The following ZNF609 variants were observed in gnomAD, a reference collection of about 807,000 sequenced individuals.
ZNF609 encodes the protein zinc finger protein 609.
In ZNF609, 11 loss-of-function variants were observed where a neutral mutation model predicts 109.5. The ratio of observed to expected loss-of-function variants is 0.10; its 90% CI spans 0.06 to 0.17. The LOEUF (loss-of-function observed/expected upper bound fraction) is 0.17, where lower values mean the gene tolerates loss of function less well. Ranked by LOEUF, ZNF609 falls within the 10% of genes least tolerant of loss-of-function variation. The pLI, the probability that ZNF609 is intolerant of heterozygous loss-of-function variation, is 1.00. For synonymous variants in ZNF609, 646 were observed against 662.0 expected, an observed-to-expected ratio of 0.98 and a Z score of 0.37; for missense variants, 1,559 against 1,772.4, an observed-to-expected ratio of 0.88 and a Z score of 2.16.
intron 2 of ZNF609, among the ~76,000 whole-genome samples, chr15:64,604,464 G>A (rs1023533822): frequency 1.3e-5 from 2 of 152,202 alleles, no homozygotes; most frequent in African/African-American, 2.4e-5. Context: ...ATAGCTGACT[G>A]AAGAGCTATA....
chr15:64,588,269 AAAAAC>A (rs1379091893), intron 2 of ZNF609, among the ~76,000 whole-genome samples: 1 of 149,700 alleles, frequency 6.7e-6, no homozygotes, highest in African/African-American at 2.4e-5. Context: ...TACAAAAAAA[AAAAAC>A]AAAAATTAGC....
Position 64,670,445 on chromosome 15 carries a change from C to G in ZNF609, c.1061+12C>G, listed in dbSNP as rs1370486150. ...TGGGCACCCCCAAGGTAAGCACTTA[C>G]AGCTATTTAGTTTATATTATTCTGA... On this transcript the variant is annotated intron_variant, in intron 4 of 9. Transcript: ENST00000326648. 9 of 1,609,294 alleles carry G rather than the reference C, an allele frequency of 5.6e-6. No individual in the cohort carries two copies. The highest frequency in any genetic ancestry group is 2.2e-5 in the East Asian group (1 of 44,880).
At position 64,649,188 on chromosome 15, in the gene ZNF609, G is replaced by A. The variant is rs143267495; in HGVS notation, c.974-21158G>A. The stretch of plus-strand genomic sequence containing the variant: ...TTGTTATAAATTAAATGAAGCTTCA[G>A]AAAGATAGGACTCAATTTAGTCATA... On this transcript the variant is annotated intron_variant, in intron 3 of 9. Transcript: ENST00000326648. Among the ~76,000 whole-genome samples the A allele has an allele frequency of 5.7e-4, 87 of 152,146 alleles. 1 individual carries two copies. The highest frequency in any genetic ancestry group is 3.4e-3 in the Middle Eastern group (1 of 294).
intron 2 of ZNF609, among the ~76,000 whole-genome samples, chr15:64,601,244 G>T (rs193180083): frequency 6.6e-6 from 1 of 152,208 alleles, no homozygotes; most frequent in Non-Finnish European, 1.5e-5. Flanking sequence ...GGCTGAGGAA[G>T]GAGACAAATA....
chr15:64,537,731 G>A (rs1894178787), intron 2 of ZNF609, among the ~76,000 whole-genome samples: 1 of 152,154 alleles, frequency 6.6e-6, no homozygotes, highest in African/African-American at 2.4e-5. Flanking sequence ...ATATACTGTG[G>A]CCCTTTGGCA....
chr15:64,618,621 A>G (rs1895834873), intron 2 of ZNF609, among the ~76,000 whole-genome samples: 1 of 152,104 alleles, frequency 6.6e-6, no homozygotes. Context: ...GGGAGCCAGA[A>G]GGGAGATGGT....
chr15:64,525,726 A>G (rs1432650450), intron 2 of ZNF609, among the ~76,000 whole-genome samples: 6 of 152,034 alleles, frequency 3.9e-5, no homozygotes, highest in African/African-American at 7.2e-5. Flanking sequence ...CCATTTATTT[A>G]TAACTTCTTT....
chr15:64,552,540 G>A (rs1732918853), intron 2 of ZNF609, among the ~76,000 whole-genome samples: 1 of 151,980 alleles, frequency 6.6e-6, no homozygotes, highest in Admixed American at 6.6e-5. Flanking sequence ...TTTTTAGTAG[G>A]GACGGGATTT....
chr15:64,641,741 G>A (rs1482409833), intron 3 of ZNF609, among the ~76,000 whole-genome samples: 4 of 152,210 alleles, frequency 2.6e-5, no homozygotes, highest in African/African-American at 9.6e-5. Flanking sequence ...AATAACTGTG[G>A]GTGGGAGCCA....
chr15:64,641,332 T>C (rs1188366390), intron 3 of ZNF609, among the ~76,000 whole-genome samples: 2 of 144,364 alleles, frequency 1.4e-5, no homozygotes, highest in African/African-American at 5.1e-5. Context: ...ATTCTCCTGC[T>C]TCAGTCTCCC....
At position 64,670,394 on chromosome 15, in the gene ZNF609, C is replaced by T; in HGVS notation, c.1022C>T (p.Thr341Ile). ...VTWRNKTYVG[T>I]LLDCTRHDWA... Reference sequence around the variant, plus strand: ...TGGAGGAACAAGACATATGTAGGTACACTCCTTGACTGCACACGACATGAT... The same window carrying T: ...TGGAGGAACAAGACATATGTAGGTATACTCCTTGACTGCACACGACATGAT... Residue 341 changes from threonine (T) to isoleucine (I), a missense_variant, in exon 4 of 10, where the codon ACA (threonine) becomes ATA (isoleucine). Coordinates refer to ENST00000326648, the MANE Select transcript of ZNF609 (RefSeq NM_015042.2). 6 of 1,614,152 alleles carry T rather than the reference C, an allele frequency of 3.7e-6. No homozygotes were observed. The highest frequency in any genetic ancestry group is 5.1e-6 in the Non-Finnish European group (6 of 1,180,002).
intron 2 of ZNF609, chr15:64,528,771 C>T: frequency 1.2e-6 from 1 of 865,252 alleles, no homozygotes; most frequent in Non-Finnish European, 1.9e-6. Flanking sequence ...TCCTTGAGGA[C>T]AATGGCTGCC....
chr15:64,682,254 A>G lies in ZNF609; in HGVS notation c.*568A>G, dbSNP rs756597812. 6.6e-6 allele frequency: 1 copy of G among 152,670 alleles called. No individual in the cohort carries two copies. The highest frequency in any genetic ancestry group is 1.5e-5 in the Non-Finnish European group (1 of 68,050). The allele number at this position is 152,670 out of a possible 1,614,324, so 9.5% of individuals were successfully genotyped here. A position where few individuals can be genotyped will look rare whatever the true frequency, so the allele number is the denominator to read the frequency against. The stretch of plus-strand genomic sequence containing the variant: ...AAAGAAATTGGGGGTTGTTTTCTAC[A>G]TAATTGTGAAAACAAGGTCTTCAAA... On this transcript the variant is annotated 3_prime_UTR_variant, in exon 10 of 10. Transcript: ENST00000326648.
intron 9 of ZNF609, 91 bp downstream of exon 9, chr15:64,681,478 G>A (rs1408173111): frequency 9.3e-7 from 1 of 1,077,452 alleles, no homozygotes; most frequent in Non-Finnish European, 1.4e-6. Context: ...ATAGCTATGA[G>A]GGGTCAGCAG....
At chr15:64,636,675 T>C in intron 3 of ZNF609, among the ~76,000 whole-genome samples, 1 of 152,248 alleles carries the variant, frequency 6.6e-6, no homozygotes. Flanking sequence ...GAATGAAGTA[T>C]GGAGAAAGAG....
intron 2 of ZNF609, chr15:64,501,626 AG>A (rs1893563821): frequency 6.6e-6 from 1 of 152,218 alleles, no homozygotes; most frequent in Non-Finnish European, 1.5e-5. Flanking sequence ...GAGTACTAGC[AG>A]TTGTTGCTTC....
chr15:64,474,063 G>A (rs545268123), intron 1 of ZNF609, among the ~76,000 whole-genome samples: 7 of 151,128 alleles, frequency 4.6e-5, no homozygotes, highest in East Asian at 3.9e-4. Context: ...GTGAGCTACC[G>A]TGCCTGGCCA....
At chr15:64,524,105 T>C (rs1226284315) in intron 2 of ZNF609, among the ~76,000 whole-genome samples, 1 of 151,978 alleles carries the variant, frequency 6.6e-6, no homozygotes, top group Non-Finnish European at 1.5e-5. Flanking sequence ...TGGTTTATAC[T>C]ATATTCACAA....
At chr15:64,576,058 C>T (rs1457170594) in intron 2 of ZNF609, among the ~76,000 whole-genome samples, 5 of 152,212 alleles carry the variant, frequency 3.3e-5, no homozygotes, top group South Asian at 2.1e-4. Context: ...GCCGAGATCG[C>T]GCCGCTGCAC....
Sources: allele counts gnomAD v4.1 joint callset (sites outside exome capture counted in the v4.1 genomes callset), GRCh38; gene constraint gnomAD v4.1.1; transcripts MANE v1.5; gene names NCBI Gene and HGNC (gene_info 2026-07-23, HGNC 2026-07-21).